Variants in PHLPP1 observed in about 807,000 individuals in gnomAD.
The protein encoded by PHLPP1 is PH domain and leucine rich repeat protein phosphatase 1, also known as PH domain leucine-rich repeat-containing protein phosphatase 1.
PHLPP1 carries 42 observed loss-of-function variants against 117.2 expected under a neutral mutation model. The observed-to-expected ratio is 0.36, with a 90% CI of 0.28 to 0.46. PHLPP1 has a LOEUF of 0.46. Among genes scored for constraint, PHLPP1 ranks in the 20% least tolerant of loss-of-function variants. PHLPP1 has a pLI of 1.00. For synonymous variants in PHLPP1, 1,042 were observed against 970.7 expected (o/e 1.07, Z -1.37); for missense variants, 2,084 against 2,241.9 (o/e 0.93, Z 1.42).
chr18:62,807,546 G>T (rs1172308518), intron 1 of PHLPP1, among the ~76,000 whole-genome samples: 1 of 152,150 alleles, frequency 6.6e-6, no homozygotes, highest in Non-Finnish European at 1.5e-5. Flanking sequence ...TGAGAAATGT[G>T]CCATTAGGCA....
chr18:62,844,134 G>T (rs1172824538), intron 3 of PHLPP1, among the ~76,000 whole-genome samples: 2 of 152,070 alleles, frequency 1.3e-5, no homozygotes, highest in African/African-American at 4.8e-5. Flanking sequence ...ATCACCTGAG[G>T]TTAGGAGTTC....
Position 62,805,666 on chromosome 18 carries a change from C to T in PHLPP1, c.1577-24369C>T, listed in dbSNP as rs148790464. Among the ~76,000 whole-genome samples, 941 of 152,188 alleles carry T rather than the reference C, an allele frequency of 6.2e-3. 9 individuals carry two copies. Among genetic ancestry groups the T allele is most frequent in the Middle Eastern group, 0.017 (5 of 294 alleles). On this transcript the variant is annotated intron_variant, in intron 1 of 16. Transcript: ENST00000262719. ...ATAAGCCACCATGCCCGACCTTTTT[C>T]CACTGTCTTAATGGTGTCTTTCGAT...
chr18:62,925,130 G>T (rs963162703), intron 10 of PHLPP1, among the ~76,000 whole-genome samples: 1 of 152,102 alleles, frequency 6.6e-6, no homozygotes, highest in Non-Finnish European at 1.5e-5. Context: ...GGTGCAAGGA[G>T]GGTAGACATT....
chr18:62,852,813 TAC>T (rs1456842551), intron 3 of PHLPP1, among the ~76,000 whole-genome samples: 11 of 152,204 alleles, frequency 7.2e-5, no homozygotes, highest in African/African-American at 2.7e-4. Context: ...ACATTAATGT[TAC>T]TGTGAACTTT....
At chr18:62,967,715 T>C (rs1174173583) in intron 14 of PHLPP1, among the ~76,000 whole-genome samples, 1 of 152,188 alleles carries the variant, frequency 6.6e-6, no homozygotes, top group African/African-American at 2.4e-5. Context: ...CTGTATGGTT[T>C]TTTTTCTTCT....
chr18:62,837,617 C>A (rs908126591), intron 2 of PHLPP1: 19 of 151,242 alleles, frequency 1.3e-4, no homozygotes, highest in African/African-American at 4.6e-4. Flanking sequence ...TTTATCATAG[C>A]CTTCTTTCAA....
chr18:62,916,566 A>G (rs1054655122), intron 9 of PHLPP1, among the ~76,000 whole-genome samples: 2 of 151,236 alleles, frequency 1.3e-5, no homozygotes, highest in African/African-American at 2.4e-5. Flanking sequence ...CTGAGCATTC[A>G]AGTGACCCAT....
intron 1 of PHLPP1, among the ~76,000 whole-genome samples, chr18:62,745,438 A>G (rs1199745058): frequency 1.3e-5 from 2 of 152,222 alleles, no homozygotes; most frequent in Non-Finnish European, 2.9e-5. Flanking sequence ...AATCTAGCTC[A>G]TTTTATACTG....
intron 1 of PHLPP1, among the ~76,000 whole-genome samples, chr18:62,818,838 A>G (rs1021503848): frequency 1.3e-5 from 2 of 152,156 alleles, no homozygotes; most frequent in African/African-American, 4.8e-5. Flanking sequence ...ATGGTTAACA[A>G]CCTCCTCTTT....
intron 4 of PHLPP1, among the ~76,000 whole-genome samples, chr18:62,892,004 AAAC>A (rs1916429168): frequency 6.6e-6 from 1 of 151,396 alleles, no homozygotes; most frequent in African/African-American, 2.4e-5. Flanking sequence ...TTAAATGAAA[AAAC>A]AGTTTTTCAA....
rs1268789042 is a variant in PHLPP1 at position 62,895,877 on chromosome 18, T to C, written c.2310T>C (p.Asn770=). 1.2e-6 allele frequency: 2 copies of C among 1,613,100 alleles called. No individual in the cohort carries two copies. The highest frequency in any genetic ancestry group is 2.7e-5 in the African/African-American group (2 of 74,930). The change falls in exon 6 of 17, where the codon AAT becomes AAC. Residue 770 remains asparagine (N), a synonymous_variant. Transcript: ENST00000262719. ...KQLSYLGLSF[N]EFTDIPEVLE... is the part of the protein sequence containing the mutation. ...TTAGTTATCTGGGTCTTTCTTTCAA[T>C]GAATTTACTGACATTCCCGAAGTAT...
At chr18:62,825,393 A>G (rs908843930) in intron 1 of PHLPP1, 2 of 147,568 alleles carry the variant, frequency 1.4e-5, no homozygotes, top group African/African-American at 4.9e-5. Flanking sequence ...TATATATTAT[A>G]TAAATATATA....
intron 11 of PHLPP1, among the ~76,000 whole-genome samples, chr18:62,944,775 C>T (rs913729926): frequency 3.3e-5 from 5 of 152,126 alleles, no homozygotes; most frequent in African/African-American, 9.7e-5. Flanking sequence ...TGGCTTTTGA[C>T]CCATTTAAAT....
intron 1 of PHLPP1, among the ~76,000 whole-genome samples, chr18:62,778,200 C>G (rs528590791): frequency 1.1e-4 from 16 of 152,104 alleles, no homozygotes; most frequent in African/African-American, 3.9e-4. Context: ...GATATTCTTC[C>G]CAGCACCTCC....
chr18:62,728,066 G>A (rs1911127760), intron 1 of PHLPP1, among the ~76,000 whole-genome samples: 1 of 152,070 alleles, frequency 6.6e-6, no homozygotes, highest in South Asian at 2.1e-4. Context: ...GCAGGCGGGC[G>A]GGCAGATCAC....
intron 1 of PHLPP1, among the ~76,000 whole-genome samples, chr18:62,739,360 C>T (rs776076535): frequency 6.6e-6 from 1 of 152,036 alleles, no homozygotes; most frequent in Non-Finnish European, 1.5e-5. Flanking sequence ...TTTTTGGTGA[C>T]GTATTGTAGT....
chr18:62,919,490 A>G (rs994358091), intron 9 of PHLPP1, among the ~76,000 whole-genome samples: 1 of 152,244 alleles, frequency 6.6e-6, no homozygotes, highest in African/African-American at 2.4e-5. Context: ...GAGGAAAAAC[A>G]TAACATTTTC....
intron 1 of PHLPP1, among the ~76,000 whole-genome samples, chr18:62,749,509 C>T (rs927129616): frequency 2.0e-5 from 3 of 152,174 alleles, no homozygotes; most frequent in African/African-American, 7.2e-5. Flanking sequence ...GTTGTGATAG[C>T]AAAATACCAC....
intron 1 of PHLPP1, chr18:62,826,202 G>T: frequency 5.8e-6 from 2 of 347,356 alleles, no homozygotes; most frequent in Non-Finnish European, 1.1e-5. Flanking sequence ...ATATTTTTAA[G>T]GTAGCTTTAT....
Sources: allele counts gnomAD v4.1 joint callset (sites outside exome capture counted in the v4.1 genomes callset), GRCh38; gene constraint gnomAD v4.1.1; transcripts MANE v1.5; gene names NCBI Gene and HGNC (gene_info 2026-07-23, HGNC 2026-07-21).